Variants in EXOC4 observed in about 807,000 individuals in gnomAD.
EXOC4 encodes the protein exocyst complex component 4, also known as SEC8-like 1.
Under a neutral mutation model 107.2 loss-of-function variants are expected in EXOC4, and 71 were observed. That is an observed-to-expected ratio of 0.66 (90% CI 0.55 to 0.81). The LOEUF (loss-of-function observed/expected upper bound fraction) is 0.81, where lower values mean the gene tolerates loss of function less well. Ranked by LOEUF, EXOC4 falls within the 30% of genes least tolerant of loss-of-function variation. The pLI is 0.00. For missense variants in EXOC4, 1,108 were observed against 1,189.6 expected (o/e 0.93, Z 1.01); for synonymous variants, 456 against 441.2 (o/e 1.03, Z -0.42).
At chr7:134,046,333 T>C (rs1192480646) in intron 17 of EXOC4, among the ~76,000 whole-genome samples, 3 of 151,720 alleles carry the variant, frequency 2.0e-5, no homozygotes, top group African/African-American at 7.3e-5. Flanking sequence ...AATACAAAAA[T>C]TAGTCAGGCG....
intron 7 of EXOC4, among the ~76,000 whole-genome samples, chr7:133,419,769 A>G (rs1303830001): frequency 5.9e-5 from 9 of 152,082 alleles, no homozygotes; most frequent in Admixed American, 5.9e-4. Flanking sequence ...TTATTTTCCT[A>G]TGGCTGCCTA....
chr7:133,424,530 C>A (rs1442505957), intron 7 of EXOC4, among the ~76,000 whole-genome samples: 1 of 152,036 alleles, frequency 6.6e-6, no homozygotes, highest in Non-Finnish European at 1.5e-5. Context: ...TCCGTGGCTT[C>A]ATTCTTGAAG....
chr7:133,692,571 T>A (rs1437263597), intron 10 of EXOC4, among the ~76,000 whole-genome samples: 1 of 152,226 alleles, frequency 6.6e-6, no homozygotes, highest in East Asian at 1.9e-4. Context: ...TTCCATCTTA[T>A]CCATATTTGA....
intron 14 of EXOC4, among the ~76,000 whole-genome samples, chr7:133,963,341 T>G (rs567586888): frequency 6.6e-6 from 1 of 152,196 alleles, no homozygotes; most frequent in African/African-American, 2.4e-5. Flanking sequence ...GGGTATACAT[T>G]AAGGGTTTAG....
At chr7:134,091,332 G>T in the EXOC4 span, among the ~76,000 whole-genome samples, 1 of 152,168 alleles carries the variant, frequency 6.6e-6, no homozygotes, top group South Asian at 2.1e-4. Flanking sequence ...ACCATATAGG[G>T]GAACTTCCTG....
chr7:133,271,313 A>T (rs1358154175), intron 1 of EXOC4, among the ~76,000 whole-genome samples: 2 of 152,124 alleles, frequency 1.3e-5, no homozygotes, highest in Non-Finnish European at 2.9e-5. Flanking sequence ...TTCTGGTCTC[A>T]TATTGCAGAA....
intron 7 of EXOC4, among the ~76,000 whole-genome samples, chr7:133,413,899 G>T (rs557303369): frequency 1.3e-5 from 2 of 152,176 alleles, no homozygotes; most frequent in East Asian, 3.9e-4. Context: ...TAACTTTAAA[G>T]GGACATACTT....
chr7:133,738,722 T>G (rs913141511), intron 10 of EXOC4, among the ~76,000 whole-genome samples: 1 of 152,204 alleles, frequency 6.6e-6, no homozygotes, highest in African/African-American at 2.4e-5. Context: ...ACTATTAGCT[T>G]CTTCTAATTT....
chr7:133,457,672 G>A (rs1323632405), intron 7 of EXOC4, among the ~76,000 whole-genome samples: 1 of 152,172 alleles, frequency 6.6e-6, no homozygotes, highest in African/African-American at 2.4e-5. Flanking sequence ...CAGGGACTCT[G>A]CCGGAAGGAC....
At chr7:133,302,019 T>G (rs1794651709) in intron 3 of EXOC4, among the ~76,000 whole-genome samples, 1 of 152,174 alleles carries the variant, frequency 6.6e-6, no homozygotes, top group Non-Finnish European at 1.5e-5. Flanking sequence ...AAAGAAAATT[T>G]AAGGGTATGG....
chr7:133,428,363 C>T (rs1315659188), intron 7 of EXOC4, among the ~76,000 whole-genome samples: 1 of 152,126 alleles, frequency 6.6e-6, no homozygotes, highest in Non-Finnish European at 1.5e-5. Flanking sequence ...AACATTTCAC[C>T]TTTGACTTTG....
intron 1 of EXOC4, chr7:133,254,006 G>T (rs1398866780): frequency 6.6e-6 from 1 of 151,992 alleles, no homozygotes; most frequent in Admixed American, 6.6e-5. Flanking sequence ...CGTTTTTTAC[G>T]TTGTTGGCAT....
At chr7:133,929,132 C>T (rs916236382) in intron 13 of EXOC4, among the ~76,000 whole-genome samples, 5 of 151,848 alleles carry the variant, frequency 3.3e-5, no homozygotes, top group Non-Finnish European at 7.4e-5. Context: ...GGGGTTTCAC[C>T]GTATTGGCCA....
chr7:133,412,850 G>A (rs1473412900), intron 7 of EXOC4, among the ~76,000 whole-genome samples: 1 of 152,048 alleles, frequency 6.6e-6, no homozygotes. Flanking sequence ...TTCAGAAGAT[G>A]TTTACAATTA....
At chr7:133,864,089 C>T (rs1036244938) in intron 11 of EXOC4, among the ~76,000 whole-genome samples, 2 of 152,134 alleles carry the variant, frequency 1.3e-5, no homozygotes, top group Non-Finnish European at 2.9e-5. Flanking sequence ...GGCTAATTTG[C>T]ATAAATAACC....
chr7:133,496,040 C>T (rs1452393289), intron 9 of EXOC4, among the ~76,000 whole-genome samples: 1 of 152,040 alleles, frequency 6.6e-6, no homozygotes, highest in Non-Finnish European at 1.5e-5. Flanking sequence ...GCTTTCCTTA[C>T]TTCTGCTACT....
At chr7:133,724,457 T>C (rs1650007903) in intron 10 of EXOC4, among the ~76,000 whole-genome samples, 1 of 152,216 alleles carries the variant, frequency 6.6e-6, no homozygotes, top group African/African-American at 2.4e-5. Context: ...TCAACAAATA[T>C]TTTTTATTTT....
intron 1 of EXOC4, among the ~76,000 whole-genome samples, chr7:133,265,438 A>G (rs1355248346): frequency 1.3e-5 from 2 of 152,060 alleles, no homozygotes; most frequent in Non-Finnish European, 2.9e-5. Flanking sequence ...AATTGTCCCA[A>G]CAAGAGAGAA....
chr7:133,592,873 T>A (rs1189263642), intron 9 of EXOC4, among the ~76,000 whole-genome samples: 3 of 152,170 alleles, frequency 2.0e-5, no homozygotes. Context: ...AGTGCTGGGA[T>A]TACAGGCATG....
Sources: allele counts gnomAD v4.1 joint callset (sites outside exome capture counted in the v4.1 genomes callset), GRCh38; gene constraint gnomAD v4.1.1; transcripts MANE v1.5; gene names NCBI Gene and HGNC (gene_info 2026-07-23, HGNC 2026-07-21).